Variants in CNTNAP2 observed in about 807,000 individuals in gnomAD.
CNTNAP2 encodes contactin-associated protein-like 2.
Under a neutral mutation model 155.2 loss-of-function variants are expected in CNTNAP2, and 98 were observed. The ratio of observed to expected loss-of-function variants is 0.63; its 90% CI spans 0.54 to 0.75. The LOEUF (loss-of-function observed/expected upper bound fraction) is 0.75. Ranked by LOEUF, CNTNAP2 falls within the 30% of genes least tolerant of loss-of-function variation. The pLI, the probability that CNTNAP2 is intolerant of heterozygous loss-of-function variation, is 0.00. For synonymous variants in CNTNAP2, 651 were observed against 631.2 expected, an observed-to-expected ratio of 1.03 and a Z score of -0.47; for missense variants, 1,727 against 1,688.1, an observed-to-expected ratio of 1.02 and a Z score of -0.40.
intron 1 of CNTNAP2, among the ~76,000 whole-genome samples, chr7:146,273,080 AAGAGAAAGAG>A (rs1345751225): frequency 5.5e-5 from 7 of 127,146 alleles, no homozygotes; most frequent in African/African-American, 3.3e-4. Flanking sequence ...GGGTGAGAGA[AAGAGAAAGAG>A]AGAGAGAGAG....
chr7:146,486,323 C>G, intron 1 of CNTNAP2, among the ~76,000 whole-genome samples: 1 of 152,072 alleles, frequency 6.6e-6, no homozygotes, highest in Admixed American at 6.6e-5. Flanking sequence ...CTCGGCCTCC[C>G]AAAGTGCTGG....
intron 14 of CNTNAP2, among the ~76,000 whole-genome samples, chr7:147,941,407 G>T (rs1800719399): frequency 6.6e-6 from 1 of 152,050 alleles, no homozygotes; most frequent in Admixed American, 6.6e-5. Flanking sequence ...CTGGAAATAG[G>T]TCTCCTTCCT....
At chr7:148,320,283 T>G in intron 21 of CNTNAP2, among the ~76,000 whole-genome samples, 1 of 152,038 alleles carries the variant, frequency 6.6e-6, no homozygotes, top group Non-Finnish European at 1.5e-5. Context: ...TGTTTGCCTG[T>G]TTTTTTCTTC....
intron 3 of CNTNAP2, among the ~76,000 whole-genome samples, chr7:146,947,411 T>TCTC (rs1491346375): frequency 9.3e-5 from 9 of 96,444 alleles, no homozygotes; most frequent in African/African-American, 3.7e-4. Context: ...TCTCTCTCTC[T>TCTC]ATATATATAT....
chr7:146,801,869 A>G (rs1378533474), intron 2 of CNTNAP2, among the ~76,000 whole-genome samples: 1 of 152,198 alleles, frequency 6.6e-6, no homozygotes, highest in Non-Finnish European at 1.5e-5. Flanking sequence ...GATGACATAG[A>G]TTCTATGGTT....
chr7:148,326,109 G>A (rs1209538594), intron 21 of CNTNAP2, among the ~76,000 whole-genome samples: 1 of 151,002 alleles, frequency 6.6e-6, no homozygotes, highest in African/African-American at 2.4e-5. Context: ...ACCCAAGAGA[G>A]CCTGTTTCAA....
intron 21 of CNTNAP2, among the ~76,000 whole-genome samples, chr7:148,282,381 G>A (rs1218103833): frequency 1.3e-5 from 2 of 152,136 alleles, no homozygotes; most frequent in African/African-American, 4.8e-5. Context: ...TCACCTGCTC[G>A]AGGAGCTTTA....
intron 18 of CNTNAP2, among the ~76,000 whole-genome samples, chr7:148,198,740 G>A (rs879893974): frequency 2.0e-5 from 3 of 152,216 alleles, no homozygotes; most frequent in Admixed American, 6.5e-5. Context: ...TATTCAAGGT[G>A]CTAGTTCAAA....
At chr7:146,271,370 A>T (rs1800080036) in intron 1 of CNTNAP2, among the ~76,000 whole-genome samples, 1 of 152,096 alleles carries the variant, frequency 6.6e-6, no homozygotes, top group South Asian at 2.1e-4. Context: ...TGTATCTAAT[A>T]TTAGACTGTC....
At chr7:147,605,638 CAG>C (rs756245579) in intron 12 of CNTNAP2, among the ~76,000 whole-genome samples, 28 of 152,156 alleles carry the variant, frequency 1.8e-4, no homozygotes, top group Non-Finnish European at 3.5e-4. Context: ...ATGAGATTCC[CAG>C]AGAGACAATT....
At chr7:147,312,432 C>T (rs1795144625) in intron 9 of CNTNAP2, among the ~76,000 whole-genome samples, 1 of 138,102 alleles carries the variant, frequency 7.2e-6, no homozygotes, top group Non-Finnish European at 1.5e-5. Context: ...CCACAACAGT[C>T]CCCAGAGTGT....
intron 1 of CNTNAP2, among the ~76,000 whole-genome samples, chr7:146,139,905 C>T (rs940490814): frequency 6.6e-6 from 1 of 152,044 alleles, no homozygotes; most frequent in Non-Finnish European, 1.5e-5. Flanking sequence ...TAACAAATGT[C>T]AGTCATCTTT....
chr7:146,527,048 A>G (rs1353396612), intron 1 of CNTNAP2, among the ~76,000 whole-genome samples: 4 of 151,934 alleles, frequency 2.6e-5, no homozygotes, highest in Non-Finnish European at 5.9e-5. Flanking sequence ...CTGCCTAGCC[A>G]TGATATGATA....
chr7:147,412,126 C>T (rs944047672), intron 10 of CNTNAP2, among the ~76,000 whole-genome samples: 2 of 152,146 alleles, frequency 1.3e-5, no homozygotes, highest in African/African-American at 2.4e-5. Flanking sequence ...TTATTCTGAC[C>T]TCCTACTCGA....
At chr7:147,620,720 T>A (rs559961550) in intron 12 of CNTNAP2, among the ~76,000 whole-genome samples, 1 of 151,868 alleles carries the variant, frequency 6.6e-6, no homozygotes, top group South Asian at 2.1e-4. Context: ...TAATAATTTT[T>A]AAAAATGAAG....
intron 2 of CNTNAP2, among the ~76,000 whole-genome samples, chr7:146,830,594 T>A (rs1282951933): frequency 4.6e-5 from 7 of 152,312 alleles, no homozygotes; most frequent in African/African-American, 1.7e-4. Context: ...TAAGGTTACA[T>A]AATTCTTTCT....
At chr7:148,252,360 T>C (rs1469161181) in intron 20 of CNTNAP2, among the ~76,000 whole-genome samples, 2 of 152,158 alleles carry the variant, frequency 1.3e-5, no homozygotes, top group Non-Finnish European at 2.9e-5. Context: ...CTTGATCAGG[T>C]CACCTTGAGC....
At chr7:147,958,541 A>T (rs568570097) in intron 14 of CNTNAP2, among the ~76,000 whole-genome samples, 2 of 152,224 alleles carry the variant, frequency 1.3e-5, no homozygotes, top group Non-Finnish European at 1.5e-5. Context: ...GGATGTTTAT[A>T]TTGATTTTAT....
Position 147,485,956 on chromosome 7 carries a change from G to A in CNTNAP2, c.1692G>A (p.Glu564=), listed in dbSNP as rs1798502244. The stretch of plus-strand genomic sequence containing the variant: ...ACAGATGTGTGCCCAATCACTGTGA[G>A]CATGGTGGAAAGTGCTCGCAAACAT... ...IIDRCVPNHC[E]HGGKCSQTWD... The change falls in exon 11 of 24, where the codon GAG becomes GAA. Residue 564 remains glutamate, a synonymous_variant. Coordinates refer to ENST00000361727, the MANE Select transcript of CNTNAP2 (RefSeq NM_014141.6). 1.8e-5 allele frequency: 29 copies of A among 1,614,062 alleles called. No individual in the cohort carries two copies. Among genetic ancestry groups the A allele is most frequent in the Non-Finnish European group, 2.3e-5 (27 of 1,179,954 alleles).
Sources: gnomAD v4.1 joint callset for allele counts (sites outside exome capture counted in the v4.1 genomes callset) on GRCh38, gnomAD v4.1.1 for gene constraint, MANE v1.5 for transcripts, NCBI Gene and HGNC (gene_info 2026-07-23, HGNC 2026-07-21) for gene names.